IGFBPL1: variants seen among roughly 807,000 people sequenced by gnomAD.
IGFBPL1 encodes insulin-like growth factor-binding protein-like 1.
IGFBPL1 carries 20 observed loss-of-function variants against 23.9 expected under a neutral mutation model. The ratio of observed to expected loss-of-function variants is 0.84; its 90% CI spans 0.59 to 1.22. The LOEUF (loss-of-function observed/expected upper bound fraction) is 1.22. IGFBPL1 is among the 50% of genes most tolerant of loss of function. The pLI, the probability that IGFBPL1 is intolerant of heterozygous loss-of-function variation, is 0.00. For synonymous variants in IGFBPL1, 184 were observed against 171.8 expected (o/e 1.07, Z -0.56); for missense variants, 436 against 379.3 (o/e 1.15, Z -1.24).
Position 38,411,539 on chromosome 9 carries a change from AG to A in IGFBPL1, c.697del (p.Leu233CysfsTer26), listed in dbSNP as rs1161674646. Reference sequence around the variant, plus strand: ...GTACACACCCTCATCCTCCTTTCGCAGGGGGTTGATCTAGAAATACAACAGG... The same window carrying A: ...GTACACACCCTCATCCTCCTTTCGCAGGGGTTGATCTAGAAATACAACAGG... Reference protein sequence around the residue: ...EATAWILINPLRKEDEGVYQC... With the variant: ...EATAWILINPXRKEDEGVYQC... On this transcript the variant is annotated frameshift_variant, in exon 4 of 5. Coordinates refer to ENST00000377694, the MANE Select transcript of IGFBPL1 (RefSeq NM_001007563.3). LOFTEE classifies it high-confidence loss of function. 2 of 1,613,762 alleles carry A rather than the reference AG, an allele frequency of 1.2e-6. No homozygotes were observed. The highest frequency in any genetic ancestry group is 1.7e-5 in the Admixed American group (1 of 59,938).
chr9:38,408,051 C>T lies in IGFBPL1; in HGVS notation c.*1176G>A, dbSNP rs546641967. On this transcript the variant is annotated 3_prime_UTR_variant, in exon 5 of 5. Transcript: ENST00000377694. The stretch of plus-strand genomic sequence containing the variant: ...TAATTCCACAGTCTGGAGATAACAC[C>T]TGACCCCTTTTTTTACAATTTGATC... Among the ~76,000 whole-genome samples the T allele has an allele frequency of 5.9e-5, 9 of 151,880 alleles. No homozygotes were observed. The highest frequency in any genetic ancestry group is 1.0e-4 in the Non-Finnish European group (7 of 67,976).
In IGFBPL1 at chr9:38,413,221, A is replaced by C. The variant is rs773599551; in HGVS notation, c.687+16T>G. On this transcript the variant is annotated intron_variant, in intron 3 of 4. Coordinates refer to ENST00000377694, the MANE Select transcript of IGFBPL1 (RefSeq NM_001007563.3). Reference sequence around the variant, plus strand: ...TAATGGTCAGTCAATAATATCCAATAATCCTAAACACTCACCAAAATCCAG... The same window carrying C: ...TAATGGTCAGTCAATAATATCCAATCATCCTAAACACTCACCAAAATCCAG... 1 of 1,455,466 alleles carries C rather than the reference A, an allele frequency of 6.9e-7. No individual in the cohort carries two copies. The allele number at this position is 1,455,466 out of a possible 1,614,324, so 90.2% of individuals were successfully genotyped here.
chr9:38,414,277 C>T, intron 1 of IGFBPL1, 74 bp from the exon 2 acceptor site: 1 of 805,858 alleles, frequency 1.2e-6, no homozygotes, highest in Non-Finnish European at 2.0e-6. Context: ...AATTCCCCTG[C>T]CGCGGAGAGC....
At chr9:38,419,155 CTGAGA>C (rs1821638899) in intron 1 of IGFBPL1, among the ~76,000 whole-genome samples, 1 of 152,058 alleles carries the variant, frequency 6.6e-6, no homozygotes, top group African/African-American at 2.4e-5. Flanking sequence ...CCAAATCCCT[CTGAGA>C]TTTCTTTAAA....
At chr9:38,411,571 T>C in intron 3 of IGFBPL1, 22 bp from the exon 4 acceptor site, 2 of 1,608,936 alleles carry the variant, frequency 1.2e-6, no homozygotes, top group Non-Finnish European at 1.7e-6. Context: ...ACAGGCAAGT[T>C]TATACAGTTA....
intron 4 of IGFBPL1, 139 bp downstream of exon 4, chr9:38,411,247 TAAGTA>T: frequency 1.5e-6 from 1 of 653,892 alleles, no homozygotes; most frequent in South Asian, 2.0e-5. Flanking sequence ...ACTGCTCATC[TAAGTA>T]TGTCCCTACT....
rs150893837 is a variant in IGFBPL1, at chr9:38,413,343, G to C, written c.581C>G (p.Ser194Cys). 1.1e-5 allele frequency: 18 copies of C among 1,610,918 alleles called. No individual in the cohort carries two copies. The highest frequency in any genetic ancestry group is 1.0e-4 in the Admixed American group (6 of 60,000). The change falls in exon 3 of 5, where the codon TCC becomes TGC. Residue 194 changes from serine (S) to cysteine (C), a missense_variant. Ser to Cys is a moderately radical substitution (Grantham distance 112, BLOSUM62 -1). Coordinates refer to ENST00000377694, the MANE Select transcript of IGFBPL1 (RefSeq NM_001007563.3). ...CTCCAGTGCTTGGGTGCCCTCAGGG[G>C]ACTTCGTGACCTACAGGGGACAGGA... ...PVITWRKVTK[S>C]PEGTQALEEL...
intron 1 of IGFBPL1, among the ~76,000 whole-genome samples, chr9:38,414,585 C>T (rs921938819): frequency 6.6e-5 from 10 of 152,184 alleles, no homozygotes; most frequent in African/African-American, 2.2e-4. Flanking sequence ...GCTGGTGTCA[C>T]GCCACCAACG....
In IGFBPL1 at chr9:38,423,997, A is replaced by C. The variant is rs1821720303; in HGVS notation, c.428T>G (p.Leu143Arg). The C allele has an allele frequency of 2.1e-6, 3 of 1,411,386 alleles. No homozygotes were observed. In the African/African-American group the frequency reaches 4.5e-5, roughly 21 times the overall value. 87.4% of individuals were successfully genotyped at this position (1,411,386 alleles called of 1,614,324 possible). Residue 143 changes from leucine to arginine, a missense_variant, in exon 1 of 5, where the codon CTG (leucine) becomes CGG (arginine). Physicochemically the swap from Leu to Arg is moderately radical, Grantham distance 102 (BLOSUM62 -2). Transcript: ENST00000377694. ...GCAAGGGCCGTCGCGCGCCTTGTGC[A>C]GGTGACCGGGGTGCGCGCGGGGCGT... Reference protein sequence around the residue: ...RHTPRAHPGHLHKARDGPCEF... With the variant: ...RHTPRAHPGHRHKARDGPCEF...
chr9:38,411,040 A>T lies in IGFBPL1; in HGVS notation c.*9+351T>A, dbSNP rs144783281. On this transcript the variant is annotated intron_variant, in intron 4 of 4. Coordinates refer to ENST00000377694, the MANE Select transcript of IGFBPL1 (RefSeq NM_001007563.3). Reference sequence around the variant, plus strand: ...GCATCTTCTTTGTGGGAACATTTTCACATGGACGCTGTCACAATGACACTG... The same window carrying T: ...GCATCTTCTTTGTGGGAACATTTTCTCATGGACGCTGTCACAATGACACTG... Among the ~76,000 whole-genome samples the T allele has an allele frequency of 3.3e-5, 5 of 152,254 alleles. No homozygotes were observed. The East Asian group carries it at 9.7e-4, about 29-fold the overall frequency.
chr9:38,410,437 C>T (rs142750275), intron 4 of IGFBPL1, among the ~76,000 whole-genome samples: 42 of 149,520 alleles, frequency 2.8e-4, no homozygotes, highest in Admixed American at 2.1e-3. Context: ...GAGCCGAGAT[C>T]GCACCACTGC....
chr9:38,411,033 C>T (rs983602455), intron 4 of IGFBPL1, among the ~76,000 whole-genome samples: 3 of 152,206 alleles, frequency 2.0e-5, no homozygotes, highest in Non-Finnish European at 2.9e-5. Flanking sequence ...TTTGTGGGAA[C>T]ATTTTCACAT....
chr9:38,412,902 C>T (rs914160008), intron 3 of IGFBPL1, among the ~76,000 whole-genome samples: 1 of 152,196 alleles, frequency 6.6e-6, no homozygotes. Context: ...TAAATTGGCC[C>T]ACCCGGATAA....
rs746734959 is a variant in IGFBPL1, at chr9:38,408,778, G to C, written c.*449C>G. Among the ~76,000 whole-genome samples the C allele has an allele frequency of 6.6e-6, 1 of 152,144 alleles. No homozygotes were observed. The highest frequency in any genetic ancestry group is 1.5e-5 in the Non-Finnish European group (1 of 68,026). On this transcript the variant is annotated 3_prime_UTR_variant, in exon 5 of 5. Transcript: ENST00000377694. ...ATGAAGGGACCAGGGCCCAGAGAGG[G>C]GAAGGGATCTGTTCAGGTCACACAG... is the stretch of plus-strand genomic sequence containing the variant.
chr9:38,410,788 C>T (rs894532104), intron 4 of IGFBPL1, among the ~76,000 whole-genome samples: 3 of 152,220 alleles, frequency 2.0e-5, no homozygotes, highest in Admixed American at 6.5e-5. Context: ...TCCCAGTTCA[C>T]CTGTAGGCAA....
intron 1 of IGFBPL1, among the ~76,000 whole-genome samples, chr9:38,417,363 T>G (rs1821614501): frequency 6.6e-6 from 1 of 152,220 alleles, no homozygotes; most frequent in Admixed American, 6.5e-5. Flanking sequence ...GTGAGGTAGC[T>G]GCTTCCATCC....
intron 1 of IGFBPL1, among the ~76,000 whole-genome samples, chr9:38,421,645 G>A (rs1032170885): frequency 6.6e-6 from 1 of 152,108 alleles, no homozygotes; most frequent in African/African-American, 2.4e-5. Flanking sequence ...TCCTTCAACC[G>A]GGATCCCCAG....
At position 38,414,207 on chromosome 9, in the gene IGFBPL1, G is replaced by C. The variant is rs780267281; in HGVS notation, c.461-4C>G. ...GGAGGAACGACGACCACAGGAGCTA[G>C]GAGGAGGAGACAAGGAGACGCAGCC... On this transcript the variant is annotated splice_polypyrimidine_tract_variant and splice_region_variant and intron_variant, in intron 1 of 4. Transcript: ENST00000377694. 6.3e-6 allele frequency: 10 copies of C among 1,578,528 alleles called. No individual in the cohort carries two copies. Among genetic ancestry groups the C allele is most frequent in the African/African-American group, 1.4e-5 (1 of 73,878 alleles).
intron 1 of IGFBPL1, among the ~76,000 whole-genome samples, chr9:38,415,063 C>T (rs550173864): frequency 2.6e-5 from 4 of 152,330 alleles, no homozygotes; most frequent in South Asian, 4.1e-4. Flanking sequence ...TGTTGGGCAA[C>T]GTGCAGTGTA....
Sources: allele counts gnomAD v4.1 joint callset (sites outside exome capture counted in the v4.1 genomes callset), GRCh38; gene constraint gnomAD v4.1.1; transcripts MANE v1.5; gene names NCBI Gene and HGNC (gene_info 2026-07-23, HGNC 2026-07-21).